Variants in ANK3 observed in about 807,000 individuals in gnomAD.
ANK3 encodes ankyrin-3.
Under a neutral mutation model 370.9 loss-of-function variants are expected in ANK3, and 57 were observed. That is an observed-to-expected ratio of 0.15 (90% CI 0.12 to 0.19). The LOEUF is 0.19. ANK3 is among the 10% of genes least tolerant of loss of function. The probability of loss-of-function intolerance (pLI) is 1.00; values close to 1 mark genes in which losing one functional copy is unlikely to be tolerated. For synonymous variants in ANK3, 1,929 were observed against 1,946.3 expected (o/e 0.99, Z 0.23); for missense variants, 4,439 against 5,302.1 (o/e 0.84, Z 5.06).
chr10:60,297,168 A>G (rs1025427625), intron 1 of ANK3, among the ~76,000 whole-genome samples: 1 of 152,218 alleles, frequency 6.6e-6, no homozygotes, highest in Non-Finnish European at 1.5e-5. Flanking sequence ...AAGCTGAAAC[A>G]TATCCAGATT....
chr10:60,033,302 A>C lies in ANK3; in HGVS notation c.*20-3476T>G, dbSNP rs988054415. Among the ~76,000 whole-genome samples the C allele has an allele frequency of 3.3e-5, 5 of 152,064 alleles. No homozygotes were observed. The East Asian group carries it at 9.7e-4, about 30-fold the overall frequency. On this transcript the variant is annotated intron_variant, in intron 43 of 43. Coordinates refer to ENST00000280772, the MANE Select transcript of ANK3 (RefSeq NM_020987.5). ...AGGGGAGGGGGGCGGATCACCTGAG[A>C]TCAGGAGTTCAAGACCAGCCTGGAC... is the stretch of plus-strand genomic sequence containing the variant.
At chr10:60,687,390 C>T (rs1212975841) in intron 1 of ANK3, among the ~76,000 whole-genome samples, 1 of 152,140 alleles carries the variant, frequency 6.6e-6, no homozygotes, top group African/African-American at 2.4e-5. Context: ...GGGCTAAGGG[C>T]TTGAACAAGC....
At chr10:60,131,173 G>A (rs542581348) in intron 25 of ANK3, among the ~76,000 whole-genome samples, 1 of 152,260 alleles carries the variant, frequency 6.6e-6, no homozygotes, top group Non-Finnish European at 1.5e-5. Context: ...TCACTGCTAA[G>A]AAAATGATCA....
In ANK3 at chr10:60,178,068, C is replaced by A. The variant is rs142691995; in HGVS notation, c.2184+3261G>T. Among the ~76,000 whole-genome samples, 476 of 152,284 alleles carry A rather than the reference C, an allele frequency of 3.1e-3. 3 individuals are homozygous for A. The highest frequency in any genetic ancestry group is 0.01 in the Middle Eastern group (3 of 294). ...GATCTTTGTAAACCAGATTGTTGAT[C>A]TTATCACGTTTGTGTTTAAAACCTT... On this transcript the variant is annotated intron_variant, in intron 18 of 43. Transcript: ENST00000280772.
intron 1 of ANK3, among the ~76,000 whole-genome samples, chr10:60,675,872 A>T (rs1328591098): frequency 6.6e-6 from 1 of 152,194 alleles, no homozygotes; most frequent in East Asian, 1.9e-4. Flanking sequence ...TTCTCTACAC[A>T]TTTGGGGCCA....
intron 23 of ANK3, among the ~76,000 whole-genome samples, chr10:60,159,942 G>A (rs957766514): frequency 2.0e-5 from 3 of 152,014 alleles, no homozygotes; most frequent in African/African-American, 7.2e-5. Context: ...GCAGTTAATA[G>A]CAATAAATGC....
intron 42 of ANK3, among the ~76,000 whole-genome samples, chr10:60,047,000 G>C (rs2077079252): frequency 6.6e-6 from 1 of 151,934 alleles, no homozygotes; most frequent in Non-Finnish European, 1.5e-5. Context: ...GGAGAGACGG[G>C]GTTTCACCGT....
At chr10:60,253,983 G>A (rs1245192263) in intron 7 of ANK3, among the ~76,000 whole-genome samples, 1 of 152,046 alleles carries the variant, frequency 6.6e-6, no homozygotes. Flanking sequence ...TGTATAATAA[G>A]AGGAAAATAT....
intron 4 of ANK3, among the ~76,000 whole-genome samples, chr10:60,272,604 C>T (rs1261754068): frequency 1.3e-5 from 2 of 152,006 alleles, no homozygotes; most frequent in African/African-American, 4.8e-5. Flanking sequence ...CTCAGCCTCC[C>T]AAGTAGCTGG....
At chr10:60,220,730 T>C (rs2097033873) in intron 8 of ANK3, among the ~76,000 whole-genome samples, 3 of 152,156 alleles carry the variant, frequency 2.0e-5, no homozygotes, top group Non-Finnish European at 4.4e-5. Context: ...TGTGTCTCCC[T>C]AAAATGTATA....
intron 2 of ANK3, among the ~76,000 whole-genome samples, chr10:60,607,357 TCTGA>T (rs901123534): frequency 6.6e-6 from 1 of 152,104 alleles, no homozygotes; most frequent in African/African-American, 2.4e-5. Flanking sequence ...TCTGAATCAG[TCTGA>T]CTTTCAGGCT....
At chr10:60,434,744 C>T (rs1266156382) in intron 2 of ANK3, among the ~76,000 whole-genome samples, 6 of 152,184 alleles carry the variant, frequency 3.9e-5, no homozygotes, top group Admixed American at 2.6e-4. Context: ...ACAGTGTATG[C>T]ATTTTTGCAG....
chr10:60,549,290 T>C (rs2077039314), intron 2 of ANK3, among the ~76,000 whole-genome samples: 2 of 152,168 alleles, frequency 1.3e-5, no homozygotes, highest in South Asian at 4.1e-4. Flanking sequence ...AGCTGTAGTT[T>C]AGAATATTAA....
In ANK3 at chr10:60,499,079, T is replaced by C. The variant is rs1165486145; in HGVS notation, c.96+116107A>G. Among the ~76,000 whole-genome samples, 5 of 152,200 alleles carry C rather than the reference T, an allele frequency of 3.3e-5. No homozygotes were observed. The South Asian group carries it at 1.0e-3, about 32-fold the overall frequency. ...TGTTATAGTCAAAGTACCCATTATA[T>C]TGTCCTCCAGGATGTTGCAGGGGAG... is the stretch of plus-strand genomic sequence containing the variant. On this transcript the variant is annotated intron_variant, in intron 2 of 43. Transcript: ENST00000373827.
Position 60,389,209 on chromosome 10 carries a change from C to T in ANK3, c.114+216G>A, listed in dbSNP as rs556409435. Among the ~76,000 whole-genome samples the T allele has an allele frequency of 5.9e-5, 9 of 152,190 alleles. No individual in the cohort carries two copies. The South Asian group carries it at 1.9e-3, about 32-fold the overall frequency. Reference sequence around the variant, plus strand: ...AAGTGAAGCACACTTTCCGCATAGCCCTGCAATCACCCCACAGGAGAAAAC... The same window carrying T: ...AAGTGAAGCACACTTTCCGCATAGCTCTGCAATCACCCCACAGGAGAAAAC... On this transcript the variant is annotated intron_variant, in intron 1 of 43. Coordinates refer to ENST00000280772, the MANE Select transcript of ANK3 (RefSeq NM_020987.5).
At chr10:60,348,347 C>CAAAAAAAAAAAAAAAAAAAAAAA (rs35147179) in intron 1 of ANK3, among the ~76,000 whole-genome samples, 7 of 68,166 alleles carry the variant, frequency 1.0e-4, no homozygotes, top group African/African-American at 1.9e-4. Flanking sequence ...TATCACTAGC[C>CAAAAAAAAAAAAAAAAAAAAAAA]AAAAAAAAAA....
At chr10:60,111,651 A>T (rs536189127) in intron 26 of ANK3, 2 of 434,806 alleles carry the variant, frequency 4.6e-6, no homozygotes, top group Admixed American at 2.5e-5. Context: ...TACTACAGAC[A>T]TTGACACGAT....
intron 2 of ANK3, among the ~76,000 whole-genome samples, chr10:60,610,938 T>G (rs577949774): frequency 3.0e-4 from 46 of 152,324 alleles, no homozygotes; most frequent in African/African-American, 1.0e-3. Flanking sequence ...CATCTTTCGG[T>G]CTGCCAAACC....
chr10:60,657,713 T>C (rs145448667), intron 1 of ANK3, among the ~76,000 whole-genome samples: 200 of 152,258 alleles, frequency 1.3e-3, no homozygotes, highest in African/African-American at 4.6e-3. Flanking sequence ...TCGTGTGGTG[T>C]AAATATCAAT....
Sources: gnomAD v4.1 joint callset for allele counts (sites outside exome capture counted in the v4.1 genomes callset) on GRCh38, gnomAD v4.1.1 for gene constraint, MANE v1.5 for transcripts, NCBI Gene and HGNC (gene_info 2026-07-23, HGNC 2026-07-21) for gene names.